Variants in EXOC4 observed in about 807,000 individuals in gnomAD.
EXOC4 encodes the protein SEC8-like 1.
Under a neutral mutation model 107.2 loss-of-function variants are expected in EXOC4, and 71 were observed. The ratio of observed to expected loss-of-function variants is 0.66; its 90% confidence interval spans 0.55 to 0.81. EXOC4 has a LOEUF of 0.81. EXOC4 is among the 30% of genes least tolerant of loss of function. The pLI is 0.00. For missense variants in EXOC4, 1,108 were observed against 1,189.6 expected (o/e 0.93, Z 1.01); for synonymous variants, 456 against 441.2 (o/e 1.03, Z -0.42).
chr7:133,556,507 C>G (rs1238087387), intron 9 of EXOC4, among the ~76,000 whole-genome samples: 1 of 152,012 alleles, frequency 6.6e-6, no homozygotes, highest in East Asian at 1.9e-4. Context: ...CCACACTGTC[C>G]AAAAAGAAAT....
At chr7:133,438,549 C>T (rs903030914) in intron 7 of EXOC4, among the ~76,000 whole-genome samples, 1 of 152,104 alleles carries the variant, frequency 6.6e-6, no homozygotes, top group Non-Finnish European at 1.5e-5. Context: ...GTCTGGAATG[C>T]TTGTTAAAAG....
the EXOC4 span, among the ~76,000 whole-genome samples, chr7:134,079,951 A>G: frequency 1.3e-5 from 2 of 152,194 alleles, no homozygotes; most frequent in African/African-American, 4.8e-5. Context: ...CCAAGGATAC[A>G]GAGCCTTGGA....
chr7:133,349,948 A>T (rs1795871334), intron 5 of EXOC4, among the ~76,000 whole-genome samples: 1 of 152,214 alleles, frequency 6.6e-6, no homozygotes, highest in African/African-American at 2.4e-5. Context: ...GATGTTAGGC[A>T]TCATTTCAAG....
At chr7:133,736,944 G>GT (rs1251650286) in intron 10 of EXOC4, among the ~76,000 whole-genome samples, 1 of 152,046 alleles carries the variant, frequency 6.6e-6, no homozygotes, top group African/African-American at 2.4e-5. Flanking sequence ...AATTGTTTTT[G>GT]TTTTTTCTTT....
At chr7:133,881,692 T>A (rs1006850448) in intron 11 of EXOC4, among the ~76,000 whole-genome samples, 1 of 152,138 alleles carries the variant, frequency 6.6e-6, no homozygotes, top group Non-Finnish European at 1.5e-5. Flanking sequence ...ACTTACTTAT[T>A]TATATATTTA....
chr7:133,896,012 C>G (rs1170273183), intron 12 of EXOC4, among the ~76,000 whole-genome samples: 2 of 152,198 alleles, frequency 1.3e-5, no homozygotes, highest in Non-Finnish European at 2.9e-5. Context: ...ATGATAAGAT[C>G]ATGTTCCTCA....
At chr7:133,548,627 A>G (rs545309122) in intron 9 of EXOC4, among the ~76,000 whole-genome samples, 2 of 152,316 alleles carry the variant, frequency 1.3e-5, no homozygotes, top group South Asian at 2.1e-4. Context: ...TTTATGTTAT[A>G]TAGATGGCTT....
chr7:133,380,233 T>G lies in EXOC4; in HGVS notation c.1182+5231T>G, dbSNP rs1796584416. Among the ~76,000 whole-genome samples the G allele has an allele frequency of 2.2e-5, 3 of 134,376 alleles. No homozygotes were observed. The South Asian group carries it at 7.0e-4, about 31-fold the overall frequency. The allele number at this position is 134,376 out of a possible 152,430, so 88.2% of individuals were successfully genotyped here. A position where few individuals can be genotyped will look rare whatever the true frequency, so the allele number is the denominator to read the frequency against. ...TGCACATGTACCCTAGAACTTAAAG[T>G]ATAATAAAAATAAAATAAAATAAAA... On this transcript the variant is annotated intron_variant, in intron 7 of 17. Transcript: ENST00000253861.
At position 133,823,843 on chromosome 7, in the gene EXOC4, T is replaced by TA. The variant is rs1277754160; in HGVS notation, c.1734+6299_1734+6300insA. Among the ~76,000 whole-genome samples the TA allele has an allele frequency of 4.1e-3, 77 of 18,640 alleles. 1 individual carries two copies. Among genetic ancestry groups the TA allele is most frequent in the African/African-American group, 0.01 (23 of 2,198 alleles). 12.2% of individuals were successfully genotyped at this position (18,640 alleles called of 152,430 possible). A position where few individuals can be genotyped will look rare whatever the true frequency, so the allele number is the denominator to read the frequency against. On this transcript the variant is annotated intron_variant, in intron 11 of 17. Transcript: ENST00000253861. ...ATACATACATATATATATATATATATTATATATATATATATATATATATAT... is the reference window on the plus strand; with the variant it reads ...ATACATACATATATATATATATATATATATATATATATATATATATATATAT...
At chr7:133,914,026 G>A (rs1259957991) in intron 12 of EXOC4, among the ~76,000 whole-genome samples, 1 of 152,164 alleles carries the variant, frequency 6.6e-6, no homozygotes. Context: ...GTCAAAGAGT[G>A]CGAAGAATAA....
At chr7:133,550,583 TTATAAG>T (rs1375148127) in intron 9 of EXOC4, among the ~76,000 whole-genome samples, 5 of 152,278 alleles carry the variant, frequency 3.3e-5, no homozygotes, top group East Asian at 1.9e-4. Flanking sequence ...ACCAACAGTA[TTATAAG>T]TATAAGGCTT....
chr7:133,680,664 C>T (rs1465672048), intron 10 of EXOC4, among the ~76,000 whole-genome samples: 1 of 152,184 alleles, frequency 6.6e-6, no homozygotes, highest in Non-Finnish European at 1.5e-5. Context: ...AATAATTTCG[C>T]TAGGACCTAT....
At chr7:133,799,856 G>A (rs989357127) in intron 10 of EXOC4, among the ~76,000 whole-genome samples, 5 of 152,154 alleles carry the variant, frequency 3.3e-5, no homozygotes, top group African/African-American at 1.2e-4. Flanking sequence ...CATTTCTAGA[G>A]ATGGGACTTG....
intron 6 of EXOC4, among the ~76,000 whole-genome samples, chr7:133,361,435 C>T (rs1796133903): frequency 6.6e-6 from 1 of 152,164 alleles, no homozygotes; most frequent in South Asian, 2.1e-4. Flanking sequence ...TGCCTGCCAC[C>T]ACGCCCGGCT....
intron 10 of EXOC4, among the ~76,000 whole-genome samples, chr7:133,692,144 TAACAAAAA>T (rs1794435010): frequency 2.0e-5 from 3 of 152,044 alleles, no homozygotes; most frequent in Non-Finnish European, 2.9e-5. Context: ...GAAGCAGTAG[TAACAAAAA>T]AACTACCTTA....
intron 13 of EXOC4, among the ~76,000 whole-genome samples, chr7:133,920,264 A>G (rs1395168689): frequency 6.6e-6 from 1 of 152,188 alleles, no homozygotes; most frequent in East Asian, 1.9e-4. Context: ...AGTTATATGT[A>G]TATTTTGGGT....
At chr7:133,578,087 A>G (rs1801172456) in intron 9 of EXOC4, among the ~76,000 whole-genome samples, 1 of 152,156 alleles carries the variant, frequency 6.6e-6, no homozygotes, top group African/African-American at 2.4e-5. Flanking sequence ...CCTTTGAATT[A>G]TTACCCATAT....
intron 10 of EXOC4, among the ~76,000 whole-genome samples, chr7:133,748,417 A>G (rs531153749): frequency 1.2e-4 from 19 of 152,298 alleles, no homozygotes; most frequent in African/African-American, 4.1e-4. Context: ...CTATCAATCA[A>G]TGAGCCCCAG....
At chr7:134,028,567 G>A (rs934980906) in intron 17 of EXOC4, among the ~76,000 whole-genome samples, 6 of 152,312 alleles carry the variant, frequency 3.9e-5, no homozygotes, top group Admixed American at 6.5e-5. Context: ...CTAGGTAGCC[G>A]CAGTGTGGAG....
Sources: allele counts gnomAD v4.1 joint callset (sites outside exome capture counted in the v4.1 genomes callset), GRCh38; gene constraint gnomAD v4.1.1; transcripts MANE v1.5; gene names NCBI Gene and HGNC (gene_info 2026-07-23, HGNC 2026-07-21).